The following DTNA variants were observed in gnomAD, a reference collection of about 807,000 sequenced individuals.
DTNA encodes the protein dystrophin-related protein 3.
In DTNA, 43 loss-of-function variants were observed where a neutral mutation model predicts 100.7. The ratio of observed to expected loss-of-function variants is 0.43; its 90% CI spans 0.33 to 0.55. DTNA has a LOEUF of 0.55. DTNA is among the 20% of genes least tolerant of loss of function. The probability of loss-of-function intolerance (pLI) is 0.04; values close to 1 mark genes in which losing one functional copy is unlikely to be tolerated. For missense variants in DTNA, 798 were observed against 953.9 expected (o/e 0.84, Z 2.15); for synonymous variants, 349 against 347.9 (o/e 1.00, Z -0.04).
At chr18:34,866,078 A>G in intron 17 of DTNA, 1 of 1,611,570 alleles carries the variant, frequency 6.2e-7, no homozygotes, top group Non-Finnish European at 8.5e-7. Context: ...AACCCTGGGT[A>G]ATCTAACTGT....
chr18:34,864,232 A>C (rs999834512), intron 17 of DTNA, among the ~76,000 whole-genome samples, 170 bp downstream of exon 17: 1 of 151,410 alleles, frequency 6.6e-6, no homozygotes, highest in African/African-American at 2.4e-5. Flanking sequence ...AGTAGCTGTC[A>C]GTAATAGAAC....
intron 1 of DTNA, among the ~76,000 whole-genome samples, chr18:34,559,351 A>G (rs1022664031): frequency 2.0e-5 from 3 of 152,158 alleles, no homozygotes; most frequent in Non-Finnish European, 2.9e-5. Flanking sequence ...AAGTGGGGGG[A>G]AAAATGAATA....
intron 1 of DTNA, among the ~76,000 whole-genome samples, chr18:34,745,977 T>G (rs1294937308): frequency 5.9e-5 from 9 of 152,210 alleles, no homozygotes; most frequent in Non-Finnish European, 1.3e-4. Flanking sequence ...TGTTGCAGCC[T>G]CTTTGTTGGG....
At chr18:34,856,529 G>C (rs1357043363) in intron 15 of DTNA, among the ~76,000 whole-genome samples, 1 of 152,180 alleles carries the variant, frequency 6.6e-6, no homozygotes, top group African/African-American at 2.4e-5. Flanking sequence ...ATGGGTCACA[G>C]CCTGTCTTGG....
intron 3 of DTNA, among the ~76,000 whole-genome samples, chr18:34,777,729 G>A (rs931076452): frequency 6.6e-6 from 1 of 152,110 alleles, no homozygotes; most frequent in Admixed American, 6.5e-5. Flanking sequence ...GCTCTCATGC[G>A]AACTCACTCA....
rs2044397981 is a variant in DTNA at position 34,543,004 on chromosome 18, C to T, written c.-2+49490C>T. 2.6e-5 allele frequency among the ~76,000 whole-genome samples: 4 copies of T among 152,102 alleles called. No homozygotes were observed. The South Asian group carries it at 8.3e-4, about 32-fold the overall frequency. ...GAGTTAGAGAACCTGAACTAGCTGA[C>T]CTCTGAGCCTTTACAAATGTGATAT... On this transcript the variant is annotated intron_variant, in intron 1 of 19. Coordinates refer to the DTNA transcript ENST00000283365.
chr18:34,607,672 A>G (rs1177453217), intron 1 of DTNA, among the ~76,000 whole-genome samples: 1 of 152,214 alleles, frequency 6.6e-6, no homozygotes, highest in Non-Finnish European at 1.5e-5. Context: ...CTTATAACAC[A>G]GAGAGAGGTG....
intron 1 of DTNA, among the ~76,000 whole-genome samples, chr18:34,603,609 T>C (rs2052412627): frequency 1.3e-5 from 2 of 152,190 alleles, no homozygotes; most frequent in Non-Finnish European, 2.9e-5. Context: ...CAATAATATT[T>C]GTTTAATACT....
At chr18:34,574,360 C>T (rs1490763502) in intron 1 of DTNA, 1 of 153,526 alleles carries the variant, frequency 6.5e-6, no homozygotes. Context: ...TCCAGTGCCT[C>T]CAGGTCCATA....
Position 34,890,968 on chromosome 18 carries a change from AGCAACCTTT to A in DTNA, c.*3236_*3244del. ...AACCGTAGATAGATCTTGTAAATCC[AGCAACCTTT>A]GGTTGCTGCATTCCCCTTGGTTCGA... On this transcript the variant is annotated 3_prime_UTR_variant, in exon 23 of 23. Transcript: ENST00000444659. 1 of 152,882 alleles carries A rather than the reference AGCAACCTTT, an allele frequency of 6.5e-6. No individual in the cohort carries two copies. The highest frequency in any genetic ancestry group is 1.5e-5 in the Non-Finnish European group (1 of 68,242). 9.5% of individuals were successfully genotyped at this position (152,882 alleles called of 1,614,324 possible).
intron 3 of DTNA, among the ~76,000 whole-genome samples, chr18:34,792,425 G>C (rs2094789531): frequency 6.6e-6 from 1 of 152,126 alleles, no homozygotes; most frequent in Non-Finnish European, 1.5e-5. Context: ...AAAAGTAAGA[G>C]AGAAGTCAAG....
At chr18:34,696,622 A>G (rs556303387) in intron 1 of DTNA, among the ~76,000 whole-genome samples, 14 of 152,260 alleles carry the variant, frequency 9.2e-5, no homozygotes, top group Non-Finnish European at 1.8e-4. Flanking sequence ...GCAGCATTGG[A>G]AAGTAATTCT....
rs1440386839 is a variant in DTNA at position 34,811,955 on chromosome 18, T to A, written c.449-4T>A. 2.5e-6 allele frequency: 4 copies of A among 1,613,814 alleles called. No homozygotes were observed. Among genetic ancestry groups the A allele is most frequent in the Non-Finnish European group, 3.4e-6 (4 of 1,179,864 alleles). On this transcript the variant is annotated splice_polypyrimidine_tract_variant and splice_region_variant and intron_variant, in intron 5 of 22. Coordinates refer to ENST00000444659, the MANE Select transcript of DTNA (RefSeq NM_001386795.1). ...AATAATATCTTTCCTTTTCCTTTCA[T>A]CAGATATTTTCTCAATGATTTCTGA...
chr18:34,589,665 C>G (rs921134384), intron 1 of DTNA, among the ~76,000 whole-genome samples: 1 of 152,048 alleles, frequency 6.6e-6, no homozygotes, highest in Admixed American at 6.6e-5. Context: ...GGCAAATTAC[C>G]GGTATACAAT....
chr18:34,620,490 C>T (rs1300586779), intron 1 of DTNA, among the ~76,000 whole-genome samples: 6 of 152,156 alleles, frequency 3.9e-5, no homozygotes. Context: ...TTAGTTTATT[C>T]TCACATTGCT....
chr18:34,791,092 A>G (rs1173968368), intron 3 of DTNA, among the ~76,000 whole-genome samples: 1 of 152,036 alleles, frequency 6.6e-6, no homozygotes, highest in African/African-American at 2.4e-5. Flanking sequence ...CTATGTGGGA[A>G]CCCTTATGTG....
intron 4 of DTNA, among the ~76,000 whole-genome samples, chr18:34,804,175 G>A (rs1778491930): frequency 6.6e-6 from 1 of 152,138 alleles, no homozygotes; most frequent in African/African-American, 2.4e-5. Flanking sequence ...CAAATGGATG[G>A]GAGGGTTGTG....
In DTNA at chr18:34,530,225, C is replaced by A. The variant is rs777095292; in HGVS notation, c.-2+36711C>A. 1.2e-4 allele frequency among the ~76,000 whole-genome samples: 18 copies of A among 152,020 alleles called. 1 individual carries two copies. Among genetic ancestry groups the A allele is most frequent in the Admixed American group, 7.9e-4 (12 of 15,244 alleles). On this transcript the variant is annotated intron_variant, in intron 1 of 19. Transcript: ENST00000283365. The stretch of plus-strand genomic sequence containing the variant: ...CTGATTCCCAAACTGAGGATTTAAA[C>A]GTCTTCATCAAGTTTAACTTATCCT...
chr18:34,591,301 C>A (rs2146914340), intron 1 of DTNA, among the ~76,000 whole-genome samples: 1 of 152,168 alleles, frequency 6.6e-6, no homozygotes, highest in Non-Finnish European at 1.5e-5. Flanking sequence ...GGTTAATTGC[C>A]TGAAAAGAAG....
Sources: allele counts gnomAD v4.1 joint callset (sites outside exome capture counted in the v4.1 genomes callset), GRCh38; gene constraint gnomAD v4.1.1; transcripts MANE v1.5; gene names NCBI Gene and HGNC (gene_info 2026-07-23, HGNC 2026-07-21).